Variants in BPTF observed in about 807,000 individuals in gnomAD.
BPTF encodes the protein bromodomain PHD finger transcription factor.
A neutral mutation model predicts 292.5 loss-of-function variants in BPTF; 18 were observed. The observed-to-expected ratio is 0.06, with a 90% CI of 0.04 to 0.09. The LOEUF is 0.09. BPTF is among the 10% of genes least tolerant of loss of function. The pLI is 1.00. For missense variants in BPTF, 2,726 were observed against 3,498.7 expected, an observed-to-expected ratio of 0.78 and a Z score of 5.57; for synonymous variants, 1,225 against 1,251.9, an observed-to-expected ratio of 0.98 and a Z score of 0.45.
chr17:67,879,219 A>T (rs2060238687), intron 4 of BPTF, among the ~76,000 whole-genome samples: 1 of 147,934 alleles, frequency 6.8e-6, no homozygotes, highest in Non-Finnish European at 1.5e-5. Flanking sequence ...TCGGCTCACC[A>T]CAACCTCTGC....
At chr17:67,836,268 T>A (rs532976326) in intron 1 of BPTF, among the ~76,000 whole-genome samples, 1 of 152,286 alleles carries the variant, frequency 6.6e-6, no homozygotes, top group Admixed American at 6.5e-5. Flanking sequence ...GTTCTGTAAT[T>A]CACACGCTTG....
At chr17:67,977,894 G>A (rs1432059980) in intron 27 of BPTF, 3 of 145,246 alleles carry the variant, frequency 2.1e-5, no homozygotes, top group Non-Finnish European at 4.5e-5. Flanking sequence ...CACTCTTGTT[G>A]CCCAGGCTGG....
rs1183988019 is a variant in BPTF, at chr17:67,912,728, C to G, written c.4844C>G (p.Ser1615Cys). Residue 1615 changes from serine to cysteine, a missense_variant, in exon 11 of 28, where the codon TCT (serine) becomes TGT (cysteine). Around this residue, in one of 22 missense-constraint regions of BPTF, gnomAD observed 144 missense variants for 177.2 expected, o/e 0.81. Transcript: ENST00000306378. ...VEKGDKQTVV[S>C]STENCAKSTV... ...AAAGGCGATAAGCAAACTGTGGTTTCTTCCACAGAAAATTGTGCAAAATCC... is the reference window on the plus strand; with the variant it reads ...AAAGGCGATAAGCAAACTGTGGTTTGTTCCACAGAAAATTGTGCAAAATCC... The G allele has an allele frequency of 1.9e-6, 3 of 1,614,070 alleles. No individual in the cohort carries two copies. Among genetic ancestry groups the G allele is most frequent in the Non-Finnish European group, 2.5e-6 (3 of 1,180,036 alleles).
intron 2 of BPTF, among the ~76,000 whole-genome samples, chr17:67,858,868 C>T (rs2145190766): frequency 6.6e-6 from 1 of 152,218 alleles, no homozygotes; most frequent in East Asian, 1.9e-4. Flanking sequence ...CCCTGTGCTG[C>T]CCTTTTTGGC....
At chr17:67,866,940 G>A (rs1186724089) in intron 3 of BPTF, among the ~76,000 whole-genome samples, 2 of 152,164 alleles carry the variant, frequency 1.3e-5, no homozygotes, top group African/African-American at 2.4e-5. Flanking sequence ...AAACCTGTAC[G>A]TCATGTGACT....
At chr17:67,872,621 G>A (rs1420556626) in intron 3 of BPTF, among the ~76,000 whole-genome samples, 3 of 150,998 alleles carry the variant, frequency 2.0e-5, no homozygotes, top group South Asian at 2.1e-4. Context: ...TGTGAGAATC[G>A]CTTGAACCCA....
chr17:67,930,220 CAG>C (rs1389582975), intron 17 of BPTF, among the ~76,000 whole-genome samples: 1 of 151,544 alleles, frequency 6.6e-6, no homozygotes, highest in African/African-American at 2.4e-5. Context: ...TTTTTTGAGA[CAG>C]AGTTTCAATC....
intron 9 of BPTF, among the ~76,000 whole-genome samples, chr17:67,906,830 TAAA>T (rs1184279961): frequency 6.6e-6 from 1 of 152,126 alleles, no homozygotes; most frequent in Non-Finnish European, 1.5e-5. Flanking sequence ...TTCATTTAAA[TAAA>T]AAATGGATAT....
rs1166638365 is a variant in BPTF, at chr17:67,873,193, C to T, written c.1661-1624C>T. 3.3e-5 allele frequency among the ~76,000 whole-genome samples: 5 copies of T among 152,138 alleles called. No homozygotes were observed. The East Asian group carries it at 9.6e-4, about 29-fold the overall frequency. On this transcript the variant is annotated intron_variant, in intron 3 of 27. Coordinates refer to ENST00000306378, the MANE Select transcript of BPTF (RefSeq NM_182641.4). ...TTTCTTATGGCCCGGTGCAGTGGCT[C>T]ACGCCTGTAATCCCAACACTTTGTG... is the stretch of plus-strand genomic sequence containing the variant.
chr17:67,930,826 TC>T (rs755482689), intron 17 of BPTF, among the ~76,000 whole-genome samples: 2 of 151,858 alleles, frequency 1.3e-5, no homozygotes, highest in Non-Finnish European at 2.9e-5. Flanking sequence ...GTGCCTGTAG[TC>T]CCAGCTATTC....
intron 15 of BPTF, among the ~76,000 whole-genome samples, chr17:67,924,800 C>T (rs1294601592): frequency 6.6e-6 from 1 of 152,140 alleles, no homozygotes; most frequent in African/African-American, 2.4e-5. Context: ...CAGTGTCTTA[C>T]TATCACCCAG....
intron 1 of BPTF, among the ~76,000 whole-genome samples, chr17:67,838,936 G>A (rs1339692180): frequency 2.0e-5 from 3 of 152,126 alleles, no homozygotes; most frequent in Non-Finnish European, 4.4e-5. Context: ...AATTAATTTA[G>A]TATTTAGCCA....
In BPTF at chr17:67,866,703, T is replaced by C; in HGVS notation, c.1660+16T>C. ...GCAGCTAATGGTGAGAGGGGCATTTTCTCATTTTATTTTTGTTAAGTCTGA... is the reference window on the plus strand; with the variant it reads ...GCAGCTAATGGTGAGAGGGGCATTTCCTCATTTTATTTTTGTTAAGTCTGA... On this transcript the variant is annotated intron_variant, in intron 3 of 27. Transcript: ENST00000306378. 6.3e-7 allele frequency: 1 copy of C among 1,593,638 alleles called. No individual in the cohort carries two copies.
intron 11 of BPTF, among the ~76,000 whole-genome samples, chr17:67,916,248 T>C (rs1260926440): frequency 6.6e-6 from 1 of 152,172 alleles, no homozygotes; most frequent in African/African-American, 2.4e-5. Context: ...GCAGCAACTT[T>C]TTGGCTAGAG....
At chr17:67,863,059 A>C (rs2059180153) in intron 2 of BPTF, among the ~76,000 whole-genome samples, 2 of 152,282 alleles carry the variant, frequency 1.3e-5, no homozygotes, top group East Asian at 3.9e-4. Flanking sequence ...CAGGGCCACC[A>C]TAACAAAGTA....
chr17:67,916,451 G>A (rs929623794), intron 11 of BPTF, among the ~76,000 whole-genome samples: 4 of 152,034 alleles, frequency 2.6e-5, no homozygotes, highest in Non-Finnish European at 4.4e-5. Flanking sequence ...TGAGCCCGGC[G>A]TGGTGGCGGG....
intron 27 of BPTF, among the ~76,000 whole-genome samples, chr17:67,980,849 C>T (rs1285883783): frequency 6.6e-6 from 1 of 152,190 alleles, no homozygotes; most frequent in African/African-American, 2.4e-5. Context: ...GAGAAGTTTG[C>T]TCAATTCTGC....
intron 24 of BPTF, chr17:67,960,288 G>T (rs1484965187): frequency 1.3e-5 from 2 of 154,978 alleles, no homozygotes; most frequent in Non-Finnish European, 2.9e-5. Flanking sequence ...AACATGAATG[G>T]TCAGAGGTTT....
At position 67,830,619 on chromosome 17, in the gene BPTF, TTGAGGGAG is replaced by T. The variant is rs1356729112; in HGVS notation, c.613+4283_613+4290del. On this transcript the variant is annotated intron_variant, in intron 1 of 27. Transcript: ENST00000306378. Reference sequence around the variant, plus strand: ...CATGTGGAGAGTAAGGAAAGGCAGATTGAGGGAGGGAGGGAGGGAGAGGGAGCGGGAGC... The same window carrying T: ...CATGTGGAGAGTAAGGAAAGGCAGATGGAGGGAGGGAGAGGGAGCGGGAGC... Among the ~76,000 whole-genome samples the T allele has an allele frequency of 2.2e-4, 33 of 151,532 alleles. No individual in the cohort carries two copies. In the East Asian group the frequency reaches 4.3e-3, roughly 20 times the overall value.
Sources: allele counts gnomAD v4.1 joint callset (sites outside exome capture counted in the v4.1 genomes callset), GRCh38; gene constraint gnomAD v4.1.1; regional missense constraint gnomAD v4.1.1; transcripts MANE v1.5; gene names NCBI Gene and HGNC (gene_info 2026-07-23, HGNC 2026-07-21).